DNAJC16: variants seen among roughly 807,000 people sequenced by gnomAD.
DNAJC16 encodes DnaJ heat shock protein family (Hsp40) member C16.
A neutral mutation model predicts 92.7 loss-of-function variants in DNAJC16; 76 were observed. The ratio of observed to expected loss-of-function variants is 0.82; its 90% CI spans 0.68 to 0.99. DNAJC16 has a LOEUF of 0.99. Ranked by LOEUF, DNAJC16 falls within the 50% of genes least tolerant of loss-of-function variation. The probability of loss-of-function intolerance (pLI) is 0.00; values close to 1 mark genes in which losing one functional copy is unlikely to be tolerated. For synonymous variants in DNAJC16, 328 were observed against 358.7 expected, an observed-to-expected ratio of 0.91 and a Z score of 0.97; for missense variants, 869 against 942.4, an observed-to-expected ratio of 0.92 and a Z score of 1.02.
chr1:15,551,159 C>T (rs1055876616), intron 7 of DNAJC16, among the ~76,000 whole-genome samples: 4 of 152,302 alleles, frequency 2.6e-5, no homozygotes, highest in Admixed American at 2.0e-4. Context: ...CGTGAGCCTC[C>T]GTGCCCGGCC....
Position 15,567,979 on chromosome 1 carries a change from C to T in DNAJC16, c.2151C>T (p.Val717=), listed in dbSNP as rs755926047. The change falls in exon 15 of 15, where the codon GTC becomes GTT. Residue 717 remains valine, a synonymous_variant. Coordinates refer to ENST00000375847, the MANE Select transcript of DNAJC16 (RefSeq NM_015291.4). ...YFCLFKPQKT[V]EEEEAIGSCS... ...GCCTCTTCAAGCCCCAAAAGACAGT[C>T]GAAGAGGAGGAAGCCATAGGGTCGT... The T allele has an allele frequency of 5.6e-6, 9 of 1,614,170 alleles. No individual in the cohort carries two copies. In the East Asian group the frequency reaches 8.9e-5, roughly 16 times the overall value.
At chr1:15,534,210 C>T (rs1345439238) in intron 2 of DNAJC16, 27 bp from the exon 3 acceptor site, 8 of 1,613,350 alleles carry the variant, frequency 5.0e-6, no homozygotes, top group Non-Finnish European at 6.8e-6. Context: ...TACATCCTTT[C>T]TCACCGCCTG....
chr1:15,567,883 T>G lies in DNAJC16; in HGVS notation c.2055T>G (p.Tyr685Ter). 1.2e-6 allele frequency: 2 copies of G among 1,614,196 alleles called. No individual in the cohort carries two copies. The highest frequency in any genetic ancestry group is 2.2e-5 in the South Asian group (2 of 91,088). ...ATGCAGCTCCAATCCCAAACCAATA[T>G]GATAAGCATTTCATGGAGCGTGACT... ...AQDAAPIPNQYDKHFMERDYT... is the reference protein window; with the variant it reads ...AQDAAPIPNQ The change falls in exon 15 of 15, where the codon TAT becomes TAG. Residue 685 changes from tyrosine (Y) to a stop codon, truncating the protein, a stop_gained. Transcript: ENST00000375847. LOFTEE classifies it high-confidence loss of function.
At chr1:15,550,309 G>A (rs1366580889) in intron 7 of DNAJC16, among the ~76,000 whole-genome samples, 1 of 152,168 alleles carries the variant, frequency 6.6e-6, no homozygotes, top group African/African-American at 2.4e-5. Flanking sequence ...ATCCCACTGG[G>A]GAAAATTGTA....
At position 15,546,864 on chromosome 1, in the gene DNAJC16, T is replaced by TA. The variant is rs1171451580; in HGVS notation, c.858dup (p.Tyr287IlefsTer44). 4 of 1,607,622 alleles carry TA rather than the reference T, an allele frequency of 2.5e-6. No individual in the cohort carries two copies. The highest frequency in any genetic ancestry group is 3.4e-6 in the Non-Finnish European group (4 of 1,176,652). On this transcript the variant is annotated frameshift_variant, in exon 6 of 15. Coordinates refer to ENST00000375847, the MANE Select transcript of DNAJC16 (RefSeq NM_015291.4). LOFTEE classifies it high-confidence loss of function. ...GACCAAACGCCCATTGTGCCACTGT[T>TA]ATACAAGGTACTTTCTATGCTAGGA...
chr1:15,571,028 A>AT lies in DNAJC16; in HGVS notation c.*2854dup, dbSNP rs1023407652. 6.6e-6 allele frequency: 1 copy of AT among 151,920 alleles called. No homozygotes were observed. Among genetic ancestry groups the AT allele is most frequent in the African/African-American group, 2.4e-5 (1 of 41,440 alleles). 9.4% of individuals were successfully genotyped at this position (151,920 alleles called of 1,614,324 possible). A position where few individuals can be genotyped will look rare whatever the true frequency, so the allele number is the denominator to read the frequency against. On this transcript the variant is annotated 3_prime_UTR_variant, in exon 15 of 15. Coordinates refer to ENST00000375847, the MANE Select transcript of DNAJC16 (RefSeq NM_015291.4). ...TGCCAATTTCCAAAAAAAAAAAAAA[A>AT]TTTGTTGCTCAGGTGTTGCACAATT... is the stretch of plus-strand genomic sequence containing the variant.
chr1:15,537,065 G>A (rs55707321), intron 4 of DNAJC16, among the ~76,000 whole-genome samples: 42,148 of 151,974 alleles, frequency 0.28, 6,710 homozygotes, highest in African/African-American at 0.43. Flanking sequence ...TGGCCAGGCC[G>A]GCTTCAAACT....
intron 4 of DNAJC16, 27 bp from the exon 5 acceptor site, chr1:15,544,372 T>C (rs774336813): frequency 6.3e-7 from 1 of 1,584,002 alleles, no homozygotes; most frequent in South Asian, 1.1e-5. Context: ...ATAAAAAGGC[T>C]TCATTTGGAT....
At chr1:15,534,416 G>C in intron 3 of DNAJC16, 113 bp downstream of exon 3, 1 of 1,087,334 alleles carries the variant, frequency 9.2e-7, no homozygotes, top group South Asian at 1.5e-5. Context: ...CCTTGATGCA[G>C]TTTCTAGATT....
chr1:15,529,812 G>C (rs1187475779), intron 2 of DNAJC16, among the ~76,000 whole-genome samples: 1 of 151,936 alleles, frequency 6.6e-6, no homozygotes, highest in Non-Finnish European at 1.5e-5. Context: ...AAATACCAAA[G>C]TCATTGGATG....
chr1:15,554,359 A>G (rs1557582579), intron 7 of DNAJC16, among the ~76,000 whole-genome samples: 1 of 152,216 alleles, frequency 6.6e-6, no homozygotes, highest in Non-Finnish European at 1.5e-5. Flanking sequence ...ATGAACATAA[A>G]TTCTTTTAGT....
chr1:15,533,723 G>C (rs998457517), intron 2 of DNAJC16, among the ~76,000 whole-genome samples: 14 of 152,218 alleles, frequency 9.2e-5, no homozygotes, highest in African/African-American at 3.4e-4. Context: ...TAATTTGAAA[G>C]TCAGGCACAA....
chr1:15,548,251 C>G lies in DNAJC16; in HGVS notation c.865-19C>G, dbSNP rs746459607. 6.2e-7 allele frequency: 1 copy of G among 1,606,352 alleles called. No homozygotes were observed. Among genetic ancestry groups the G allele is most frequent in the East Asian group, 2.2e-5 (1 of 44,790 alleles). On this transcript the variant is annotated intron_variant, in intron 6 of 14. Coordinates refer to ENST00000375847, the MANE Select transcript of DNAJC16 (RefSeq NM_015291.4). ...TTTGCTGTAGTTTTATTTTCTTCCT[C>G]TCTATTATGCCCTAACAGTTGACTG...
intron 7 of DNAJC16, among the ~76,000 whole-genome samples, chr1:15,550,660 C>T (rs566778828): frequency 5.9e-5 from 9 of 152,270 alleles, no homozygotes; most frequent in Admixed American, 5.9e-4. Flanking sequence ...AAAGATCCTT[C>T]AAGAGAAAGT....
At chr1:15,540,067 T>A (rs922492847) in intron 4 of DNAJC16, among the ~76,000 whole-genome samples, 1 of 152,168 alleles carries the variant, frequency 6.6e-6, no homozygotes, top group African/African-American at 2.4e-5. Flanking sequence ...GGCTCATGCC[T>A]GTAATCCCAG....
intron 7 of DNAJC16, among the ~76,000 whole-genome samples, chr1:15,551,787 A>AT (rs908564127): frequency 4.6e-5 from 7 of 151,284 alleles, no homozygotes; most frequent in Non-Finnish European, 7.4e-5. Flanking sequence ...TTTTTAAAAA[A>AT]TTTTTTTTGC....
At position 15,569,967 on chromosome 1, in the gene DNAJC16, A is replaced by G. The variant is rs977820661; in HGVS notation, c.*1790A>G. On this transcript the variant is annotated 3_prime_UTR_variant, in exon 15 of 15. Transcript: ENST00000375847. ...TCCCGGCTAAGTTAGTATTTCTTTAATCTTAATGCTTTAAACTAAGCCACT... is the reference window on the plus strand; with the variant it reads ...TCCCGGCTAAGTTAGTATTTCTTTAGTCTTAATGCTTTAAACTAAGCCACT... 1 of 152,522 alleles carries G rather than the reference A, an allele frequency of 6.6e-6. No homozygotes were observed. Among genetic ancestry groups the G allele is most frequent in the Non-Finnish European group, 1.5e-5 (1 of 68,030 alleles). The allele number at this position is 152,522 out of a possible 1,614,324, so 9.4% of individuals were successfully genotyped here.
Position 15,529,078 on chromosome 1 carries a change from A to G in DNAJC16, c.-18-10A>G, listed in dbSNP as rs1328064069. On this transcript the variant is annotated splice_polypyrimidine_tract_variant and intron_variant, in intron 1 of 14. Coordinates refer to ENST00000375847, the MANE Select transcript of DNAJC16 (RefSeq NM_015291.4). ...GCCACTGAAACTCATTGCCTCTTCA[A>G]TCATTTCAGCTCTGGAAAGGAAGAG... The G allele has an allele frequency of 3.1e-6, 5 of 1,609,352 alleles. No homozygotes were observed. The highest frequency in any genetic ancestry group is 2.2e-5 in the East Asian group (1 of 44,814).
At chr1:15,561,176 C>T (rs1638683382) in intron 8 of DNAJC16, among the ~76,000 whole-genome samples, 1 of 151,880 alleles carries the variant, frequency 6.6e-6, no homozygotes, top group Admixed American at 6.6e-5. Flanking sequence ...TCTGTCTTCC[C>T]CACTGGAATA....
Sources: allele counts gnomAD v4.1 joint callset (sites outside exome capture counted in the v4.1 genomes callset), GRCh38; gene constraint gnomAD v4.1.1; transcripts MANE v1.5; gene names NCBI Gene and HGNC (gene_info 2026-07-23, HGNC 2026-07-21).